The following MAFB variants were observed in gnomAD, a reference collection of about 807,000 sequenced individuals.
MAFB encodes the protein transcription factor MafB.
Under a neutral mutation model 17.7 loss-of-function variants are expected in MAFB, and 3 were observed. The observed-to-expected ratio is 0.17, with a 90% CI of 0.08 to 0.44. The LOEUF is 0.44. Ranked by LOEUF, MAFB falls within the 20% of genes least tolerant of loss-of-function variation. MAFB has a pLI of 0.99. For missense variants in MAFB, 355 were observed against 461.3 expected (o/e 0.77, Z 2.11); for synonymous variants, 214 against 211.5 (o/e 1.01, Z -0.10).
In MAFB at chr20:40,687,672, C is replaced by G; in HGVS notation, c.*207G>C. 1 of 623,648 alleles carries G rather than the reference C, an allele frequency of 1.6e-6. No individual in the cohort carries two copies. Among genetic ancestry groups the G allele is most frequent in the Non-Finnish European group, 2.8e-6 (1 of 359,132 alleles). 38.6% of individuals were successfully genotyped at this position (623,648 alleles called of 1,614,324 possible). On this transcript the variant is annotated 3_prime_UTR_variant, in exon 1 of 1. Coordinates refer to ENST00000373313, the MANE Select transcript of MAFB (RefSeq NM_005461.5). ...GAGTCTAGGAGGCGGCGCTGGCGTG[C>G]GCTACTCTCGCCTTAGCCAAGGTCC...
In MAFB at chr20:40,687,993, C is replaced by T; in HGVS notation, c.858G>A (p.Arg286=). The T allele has an allele frequency of 6.2e-7, 1 of 1,614,160 alleles. No individual in the cohort carries two copies. Among genetic ancestry groups the T allele is most frequent in the Non-Finnish European group, 8.5e-7 (1 of 1,180,040 alleles). Residue 286 remains arginine, a synonymous_variant, in exon 1 of 1, where the codon CGG becomes CGA. Coordinates refer to ENST00000373313, the MANE Select transcript of MAFB (RefSeq NM_005461.5). ...QVEQLKQEVS[R]LARERDAYKV... ...TGTAGGCGTCTCTCTCGCGGGCCAG[C>T]CGGGACACCTCCTGCTTAAGCTGCT...
chr20:40,689,004 TG>T lies in MAFB; in HGVS notation c.-155del, dbSNP rs1184291311. ...CGGGGCCGCCGGCCAAGCCTTTGTC[TG>T]GGGACGCGGCGGCGCGCCGGAGAGT... On this transcript the variant is annotated 5_prime_UTR_variant, in exon 1 of 1. Transcript: ENST00000373313. 3 of 1,118,448 alleles carry T rather than the reference TG, an allele frequency of 2.7e-6. No homozygotes were observed. Among genetic ancestry groups the T allele is most frequent in the Non-Finnish European group, 2.4e-6 (2 of 847,730 alleles). 69.3% of individuals were successfully genotyped at this position (1,118,448 alleles called of 1,614,324 possible).
In MAFB at chr20:40,686,852, G is replaced by A. The variant is rs1345907495; in HGVS notation, c.*1027C>T. Reference sequence around the variant, plus strand: ...AAACTAAAGCGAGAGAGGAAAAAGAGGACCGAATGGGGATAAGGGAAGGAA... The same window carrying A: ...AAACTAAAGCGAGAGAGGAAAAAGAAGACCGAATGGGGATAAGGGAAGGAA... On this transcript the variant is annotated 3_prime_UTR_variant, in exon 1 of 1. Coordinates refer to ENST00000373313, the MANE Select transcript of MAFB (RefSeq NM_005461.5). 2.5e-6 allele frequency: 1 copy of A among 398,670 alleles called. No individual in the cohort carries two copies. Among genetic ancestry groups the A allele is most frequent in the East Asian group, 3.6e-5 (1 of 28,078 alleles). The allele number at this position is 398,670 out of a possible 1,614,324, so 24.7% of individuals were successfully genotyped here.
rs1278905342 is a variant in MAFB, at chr20:40,688,608, G to A, written c.243C>T (p.His81=). The A allele has an allele frequency of 1.2e-5, 19 of 1,614,006 alleles. No individual in the cohort carries two copies. Among genetic ancestry groups the A allele is most frequent in the Non-Finnish European group, 1.4e-5 (17 of 1,179,974 alleles). ...TCGCCATCCAGTACAGATCCTCGAG[G>A]TGTGTCTTCTGTTCGGTCGGGCTGA... ...PSFSPTEQKT[H]LEDLYWMASN... The change falls in exon 1 of 1, where the codon CAC becomes CAT. Residue 81 remains histidine (H), a synonymous_variant. Coordinates refer to ENST00000373313, the MANE Select transcript of MAFB (RefSeq NM_005461.5).
Position 40,688,419 on chromosome 20 carries a change from C to T in MAFB, c.432G>A (p.Ala144=), listed in dbSNP as rs771626150. The change falls in exon 1 of 1, where the codon GCG becomes GCA. Residue 144 remains alanine (A), a synonymous_variant. Transcript: ENST00000373313. The part of the protein sequence containing the change: ...HHHHHPHPHH[A]YPGAGVAHDE... ...CGTGGGCCACGCCGGCGCCCGGGTA[C>T]GCGTGGTGCGGGTGAGGGTGGTGGT... 2 of 1,583,252 alleles carry T rather than the reference C, an allele frequency of 1.3e-6. No individual in the cohort carries two copies. The highest frequency in any genetic ancestry group is 1.7e-6 in the Non-Finnish European group (2 of 1,169,470).
Sources: gnomAD v4.1 joint callset for allele counts on GRCh38, gnomAD v4.1.1 for gene constraint, MANE v1.5 for transcripts, NCBI Gene and HGNC (gene_info 2026-07-23, HGNC 2026-07-21) for gene names.